The following PIP4K2A variants were observed in gnomAD, a reference collection of about 807,000 sequenced individuals.
PIP4K2A encodes phosphatidylinositol 5-phosphate 4-kinase type-2 alpha.
Under a neutral mutation model 42.9 loss-of-function variants are expected in PIP4K2A, and 14 were observed. The observed-to-expected ratio is 0.33, with a 90% confidence interval of 0.22 to 0.51. The LOEUF is 0.51. Among genes scored for constraint, PIP4K2A ranks in the 20% least tolerant of loss-of-function variants. The pLI, the probability that PIP4K2A is intolerant of heterozygous loss-of-function variation, is 0.97. For synonymous variants in PIP4K2A, 192 were observed against 192.2 expected, an observed-to-expected ratio of 1.00 and a Z score of 0.01; for missense variants, 434 against 519.8, an observed-to-expected ratio of 0.83 and a Z score of 1.61.
At chr10:22,599,679 A>G (rs902675086) in intron 3 of PIP4K2A, among the ~76,000 whole-genome samples, 5 of 152,260 alleles carry the variant, frequency 3.3e-5, no homozygotes, top group Admixed American at 1.3e-4. Flanking sequence ...AGGGCAGGTA[A>G]GAGTATGACA....
At chr10:22,594,498 T>G (rs1472906021) in intron 3 of PIP4K2A, among the ~76,000 whole-genome samples, 1 of 152,224 alleles carries the variant, frequency 6.6e-6, no homozygotes, top group African/African-American at 2.4e-5. Flanking sequence ...TGGACTCAAG[T>G]GATTCTCGTG....
rs1389106659 is a variant in PIP4K2A at position 22,537,327 on chromosome 10, T to A, written c.1141-46A>T. 3.5e-6 allele frequency: 5 copies of A among 1,409,052 alleles called. No homozygotes were observed. In the Admixed American group the frequency reaches 9.8e-5, roughly 28 times the overall value. 87.3% of individuals were successfully genotyped at this position (1,409,052 alleles called of 1,614,324 possible). ...GAAATATTGACATAGTGTTTATGATTTCCCCAAATTATTACTCAATATCTA... is the reference window on the plus strand; with the variant it reads ...GAAATATTGACATAGTGTTTATGATATCCCCAAATTATTACTCAATATCTA... On this transcript the variant is annotated intron_variant, in intron 9 of 9. Transcript: ENST00000376573.
At chr10:22,585,494 T>C (rs560924653) in intron 4 of PIP4K2A, among the ~76,000 whole-genome samples, 29 of 152,354 alleles carry the variant, frequency 1.9e-4, no homozygotes, top group Non-Finnish European at 3.7e-4. Flanking sequence ...GCTATTAAAA[T>C]ACTCAATAAT....
At chr10:22,661,503 G>C (rs1401107950) in intron 1 of PIP4K2A, among the ~76,000 whole-genome samples, 2 of 151,814 alleles carry the variant, frequency 1.3e-5, no homozygotes, top group African/African-American at 4.8e-5. Flanking sequence ...CCACAGGCAC[G>C]CACCACTGTG....
intron 5 of PIP4K2A, chr10:22,568,948 C>G: frequency 2.3e-6 from 3 of 1,277,134 alleles, no homozygotes; most frequent in Non-Finnish European, 3.3e-6. Context: ...GCTTCTTTAC[C>G]ACCTGATGAA....
chr10:22,577,909 A>C (rs769513771), intron 4 of PIP4K2A, among the ~76,000 whole-genome samples: 5 of 152,158 alleles, frequency 3.3e-5, no homozygotes, highest in Non-Finnish European at 7.4e-5. Flanking sequence ...TTGAACGTAC[A>C]CTTTGAGGGC....
chr10:22,570,107 G>T (rs1190035531), intron 5 of PIP4K2A, among the ~76,000 whole-genome samples: 1 of 151,912 alleles, frequency 6.6e-6, no homozygotes, highest in African/African-American at 2.4e-5. Context: ...TTAAGTAGAA[G>T]AACATACTTG....
At chr10:22,692,547 G>A (rs1334492199) in intron 1 of PIP4K2A, among the ~76,000 whole-genome samples, 1 of 152,190 alleles carries the variant, frequency 6.6e-6, no homozygotes, top group East Asian at 1.9e-4. Context: ...TATTACAGAA[G>A]CTGCAGCTAG....
chr10:22,634,530 G>A (rs919170475), intron 1 of PIP4K2A, among the ~76,000 whole-genome samples: 2 of 152,080 alleles, frequency 1.3e-5, no homozygotes, highest in African/African-American at 2.4e-5. Flanking sequence ...GCATTTACTC[G>A]CTTGTTTCTT....
At chr10:22,677,297 G>A (rs1187159002) in intron 1 of PIP4K2A, among the ~76,000 whole-genome samples, 1 of 152,184 alleles carries the variant, frequency 6.6e-6, no homozygotes, top group African/African-American at 2.4e-5. Flanking sequence ...GAATCAGACT[G>A]AGACTTAATG....
At chr10:22,583,502 C>T (rs1837324403) in intron 4 of PIP4K2A, among the ~76,000 whole-genome samples, 1 of 152,142 alleles carries the variant, frequency 6.6e-6, no homozygotes, top group Non-Finnish European at 1.5e-5. Context: ...AGGTGCTAGA[C>T]AGAGCCTGTC....
chr10:22,543,395 G>GA (rs1481025960), intron 7 of PIP4K2A, among the ~76,000 whole-genome samples: 1 of 152,170 alleles, frequency 6.6e-6, no homozygotes, highest in Non-Finnish European at 1.5e-5. Flanking sequence ...TCAAAAAAGA[G>GA]AAATCACACA....
intron 1 of PIP4K2A, among the ~76,000 whole-genome samples, chr10:22,620,805 C>CT (rs1204042167): frequency 6.6e-6 from 1 of 152,212 alleles, no homozygotes; most frequent in Non-Finnish European, 1.5e-5. Flanking sequence ...GCTCTGGTGC[C>CT]TGCACTTGGG....
chr10:22,631,815 C>T (rs367646948), intron 1 of PIP4K2A, among the ~76,000 whole-genome samples: 5 of 152,300 alleles, frequency 3.3e-5, no homozygotes, highest in South Asian at 4.1e-4. Context: ...AGGATATTTA[C>T]ACAATCTCTA....
At chr10:22,555,163 G>A (rs1390983315) in intron 6 of PIP4K2A, among the ~76,000 whole-genome samples, 1 of 152,188 alleles carries the variant, frequency 6.6e-6, no homozygotes, top group African/African-American at 2.4e-5. Context: ...GACTAGGCAT[G>A]GCTCAGCTTT....
intron 1 of PIP4K2A, among the ~76,000 whole-genome samples, chr10:22,703,119 G>A (rs1833747592): frequency 6.6e-6 from 1 of 152,116 alleles, no homozygotes; most frequent in Non-Finnish European, 1.5e-5. Flanking sequence ...AAAGATCTGA[G>A]GGCAGGCTGG....
chr10:22,592,584 C>A (rs1837538182), intron 3 of PIP4K2A, among the ~76,000 whole-genome samples: 1 of 152,190 alleles, frequency 6.6e-6, no homozygotes, highest in African/African-American at 2.4e-5. Context: ...AGTAGGGGCT[C>A]TGCTGACATC....
At chr10:22,548,210 T>A (rs1257391774) in intron 7 of PIP4K2A, among the ~76,000 whole-genome samples, 1 of 152,228 alleles carries the variant, frequency 6.6e-6, no homozygotes, top group African/African-American at 2.4e-5. Flanking sequence ...AAGACACTGT[T>A]ATCAGCTATT....
At chr10:22,647,802 G>C (rs955763758) in intron 1 of PIP4K2A, among the ~76,000 whole-genome samples, 2 of 152,144 alleles carry the variant, frequency 1.3e-5, no homozygotes, top group Admixed American at 1.3e-4. Flanking sequence ...CAGGCTACTG[G>C]CAACAAGTAC....
Sources: allele counts gnomAD v4.1 joint callset (sites outside exome capture counted in the v4.1 genomes callset), GRCh38; gene constraint gnomAD v4.1.1; transcripts MANE v1.5; gene names NCBI Gene and HGNC (gene_info 2026-07-23, HGNC 2026-07-21).